The following ZNF227 variants were observed in gnomAD, a reference collection of about 807,000 sequenced individuals.
ZNF227 encodes zinc finger protein 227.
Under a neutral mutation model 13.2 loss-of-function variants are expected in ZNF227, and 12 were observed. That is an observed-to-expected ratio of 0.91 (90% CI 0.58 to 1.47). The LOEUF (loss-of-function observed/expected upper bound fraction) is 1.47, where lower values mean the gene tolerates loss of function less well. ZNF227 is among the 40% of genes most tolerant of loss of function. The pLI is 0.00. For missense variants in ZNF227, 885 were observed against 967.5 expected (o/e 0.91, Z 1.13); for synonymous variants, 338 against 326.0 (o/e 1.04, Z -0.40).
chr19:44,229,826 C>A lies in ZNF227; in HGVS notation c.271+10C>A. On this transcript the variant is annotated intron_variant, in intron 5 of 5. Transcript: ENST00000313040. ...ACAGAAACCCAAAGAAGTAGGTATT[C>A]TGGTGAGAACCCTGTGTCTGTTCTT... 1.9e-6 allele frequency: 3 copies of A among 1,542,600 alleles called. No homozygotes were observed. The highest frequency in any genetic ancestry group is 2.6e-6 in the Non-Finnish European group (3 of 1,135,016).
Position 44,222,233 on chromosome 19 carries a change from C to T in ZNF227, c.60+4381C>T, listed in dbSNP as rs532988560. ...CTTTGTTCTTTTGGCCTAGGATTGA[C>T]TTGGCGATGTGGGCTCTTTTTTGGT... On this transcript the variant is annotated intron_variant, in intron 3 of 5. Coordinates refer to ENST00000313040, the MANE Select transcript of ZNF227 (RefSeq NM_182490.3). Among the ~76,000 whole-genome samples, 329 of 152,264 alleles carry T rather than the reference C, an allele frequency of 2.2e-3. 2 individuals are homozygous for T. The highest frequency in any genetic ancestry group is 3.8e-3 in the Non-Finnish European group (257 of 68,028).
chr19:44,212,300 G>A (rs976570730), upstream of ZNF227, among the ~76,000 whole-genome samples: 6 of 150,682 alleles, frequency 4.0e-5, no homozygotes, highest in African/African-American at 1.5e-4. Flanking sequence ...GATTCTGGAT[G>A]TTGTAGTCCG....
chr19:44,214,762 G>T (rs1971680591), intron 2 of ZNF227, among the ~76,000 whole-genome samples: 1 of 151,396 alleles, frequency 6.6e-6, no homozygotes, highest in Non-Finnish European at 1.5e-5. Context: ...ATTTGCTGCA[G>T]ACCATCTCCT....
At chr19:44,228,291 T>G (rs983241150) in intron 3 of ZNF227, 155 bp from the exon 4 acceptor site, 2 of 791,432 alleles carry the variant, frequency 2.5e-6, no homozygotes, top group African/African-American at 3.6e-5. Flanking sequence ...GCGTAGGAGA[T>G]AGTGAGACAG....
In ZNF227 at chr19:44,236,012, G is replaced by A; in HGVS notation, c.1582G>A (p.Gly528Ser). 1.2e-6 allele frequency: 2 copies of A among 1,613,480 alleles called. No homozygotes were observed. The highest frequency in any genetic ancestry group is 1.7e-6 in the Non-Finnish European group (2 of 1,179,900). The stretch of plus-strand genomic sequence containing the variant: ...ATTCAAGTGTGAAACGTGTGGGAAG[G>A]GCTTCAGTCAGTCCTCAAAGCTTCA... ...KRFKCETCGK[G>S]FSQSSKLQTH... The change falls in exon 6 of 6, where the codon GGC becomes AGC. Residue 528 changes from glycine (G) to serine (S), a missense_variant. Gly to Ser is a moderately conservative substitution (Grantham distance 56, BLOSUM62 0). Transcript: ENST00000313040.
chr19:44,232,384 A>T (rs1973924505), intron 5 of ZNF227, among the ~76,000 whole-genome samples: 1 of 152,198 alleles, frequency 6.6e-6, no homozygotes, highest in Non-Finnish European at 1.5e-5. Flanking sequence ...ATTCCCAGAT[A>T]ATTTTGCTCA....
In ZNF227 at chr19:44,236,590, G is replaced by A. The variant is rs1393663542; in HGVS notation, c.2160G>A (p.Glu720=). 6 of 1,613,850 alleles carry A rather than the reference G, an allele frequency of 3.7e-6. No individual in the cohort carries two copies. Among genetic ancestry groups the A allele is most frequent in the Non-Finnish European group, 3.4e-6 (4 of 1,180,008 alleles). Residue 720 remains glutamate, a synonymous_variant, in exon 6 of 6, where the codon GAG becomes GAA. Coordinates refer to ENST00000313040, the MANE Select transcript of ZNF227 (RefSeq NM_182490.3). ...HTGEKPHICE[E]CGKAFSLPSN... ...GAGAGAAACCCCATATATGTGAGGA[G>A]TGTGGTAAGGCCTTCAGTCTCCCCT...
intron 5 of ZNF227, among the ~76,000 whole-genome samples, chr19:44,232,707 G>T (rs967458450): frequency 6.6e-6 from 1 of 150,384 alleles, no homozygotes. Flanking sequence ...ATGCTCCGTC[G>T]TCCAGGCTAA....
chr19:44,213,827 A>G (rs1971569104), intron 2 of ZNF227: 1 of 152,354 alleles, frequency 6.6e-6, no homozygotes, highest in African/African-American at 2.4e-5. Flanking sequence ...AAAATCCTGC[A>G]ACATCTCACT....
chr19:44,217,413 G>A (rs1329139528), intron 2 of ZNF227: 1 of 480,070 alleles, frequency 2.1e-6, no homozygotes, highest in South Asian at 1.5e-5. Context: ...TATCCTCATT[G>A]TACACATAAC....
At chr19:44,216,970 T>G (rs1278066282) in intron 2 of ZNF227, among the ~76,000 whole-genome samples, 6 of 147,912 alleles carry the variant, frequency 4.1e-5, no homozygotes, top group Admixed American at 1.4e-4. Context: ...TTTTTTTTTT[T>G]TTTTTTTTTT....
In ZNF227 at chr19:44,225,002, T is replaced by C. The variant is rs573877105; in HGVS notation, c.61-3444T>C. On this transcript the variant is annotated intron_variant, in intron 3 of 5. Transcript: ENST00000313040. ...TCTCAGCATTTGCTTGTCTGTAAAGTATTTTATTTCTCCTTCACTTATGAA... is the reference window on the plus strand; with the variant it reads ...TCTCAGCATTTGCTTGTCTGTAAAGCATTTTATTTCTCCTTCACTTATGAA... Among the ~76,000 whole-genome samples, 521 of 152,012 alleles carry C rather than the reference T, an allele frequency of 3.4e-3. 1 individual carries two copies. Among genetic ancestry groups the C allele is most frequent in the Non-Finnish European group, 5.5e-3 (371 of 67,922 alleles).
chr19:44,232,430 G>A (rs145010351), intron 5 of ZNF227, among the ~76,000 whole-genome samples: 4 of 152,292 alleles, frequency 2.6e-5, no homozygotes, highest in Admixed American at 6.5e-5. Flanking sequence ...GGGAGTTCCC[G>A]TGATAATTTG....
In ZNF227 at chr19:44,229,818, T is replaced by C. The variant is rs1057034395; in HGVS notation, c.271+2T>C. Reference sequence around the variant, plus strand: ...TGATGGAAACAGAAACCCAAAGAAGTAGGTATTCTGGTGAGAACCCTGTGT... The same window carrying C: ...TGATGGAAACAGAAACCCAAAGAAGCAGGTATTCTGGTGAGAACCCTGTGT... On this transcript the variant is annotated splice_donor_variant, in intron 5 of 5. Transcript: ENST00000313040. LOFTEE classifies it high-confidence loss of function. 24 of 1,560,374 alleles carry C rather than the reference T, an allele frequency of 1.5e-5. No homozygotes were observed. The highest frequency in any genetic ancestry group is 2.1e-5 in the Non-Finnish European group (24 of 1,145,706).
chr19:44,223,151 C>T (rs1972731027), intron 3 of ZNF227, among the ~76,000 whole-genome samples: 1 of 152,106 alleles, frequency 6.6e-6, no homozygotes, highest in African/African-American at 2.4e-5. Flanking sequence ...TGATGTGCTG[C>T]TGGATTTGGT....
chr19:44,219,297 G>A (rs543457905), intron 3 of ZNF227, among the ~76,000 whole-genome samples: 1 of 152,256 alleles, frequency 6.6e-6, no homozygotes, highest in South Asian at 2.1e-4. Flanking sequence ...GAACGTAGAT[G>A]CTCAAGCACA....
At chr19:44,225,136 C>A (rs901114318) in intron 3 of ZNF227, among the ~76,000 whole-genome samples, 6 of 149,390 alleles carry the variant, frequency 4.0e-5, no homozygotes, top group African/African-American at 1.5e-4. Context: ...CCGAGAGATC[C>A]GCTGTTAGTC....
intron 3 of ZNF227, among the ~76,000 whole-genome samples, chr19:44,219,783 AT>A (rs1389673394): frequency 1.3e-5 from 2 of 149,542 alleles, no homozygotes; most frequent in African/African-American, 4.9e-5. Flanking sequence ...TTATTTATTT[AT>A]TTATTATTAT....
rs1974588680 is a variant in ZNF227, at chr19:44,237,107, G to A, written c.*277G>A. ...GTGAATATATGCCTGAAGATAATGT[G>A]TGGAAGGATATTTGCCATATGCTAA... On this transcript the variant is annotated 3_prime_UTR_variant, in exon 6 of 6. Coordinates refer to ENST00000313040, the MANE Select transcript of ZNF227 (RefSeq NM_182490.3). 6.6e-6 allele frequency: 2 copies of A among 303,398 alleles called. No homozygotes were observed. The highest frequency in any genetic ancestry group is 1.1e-4 in the East Asian group (2 of 18,134). The allele number at this position is 303,398 out of a possible 1,614,324, so 18.8% of individuals were successfully genotyped here.
Sources: allele counts gnomAD v4.1 joint callset (sites outside exome capture counted in the v4.1 genomes callset), GRCh38; gene constraint gnomAD v4.1.1; transcripts MANE v1.5; gene names NCBI Gene and HGNC (gene_info 2026-07-23, HGNC 2026-07-21).